ASB3: variants seen among roughly 807,000 people sequenced by gnomAD.
ASB3 encodes the protein ankyrin repeat and SOCS box protein 3.
Under a neutral mutation model 54.5 loss-of-function variants are expected in ASB3, and 41 were observed. The ratio of observed to expected loss-of-function variants is 0.75; its 90% CI spans 0.59 to 0.98. The LOEUF (loss-of-function observed/expected upper bound fraction) is 0.98, where lower values mean the gene tolerates loss of function less well. Ranked by LOEUF, ASB3 falls within the 50% of genes least tolerant of loss-of-function variation. The probability of loss-of-function intolerance (pLI) is 0.00; values close to 1 mark genes in which losing one functional copy is unlikely to be tolerated. For synonymous variants in ASB3, 266 were observed against 221.2 expected (o/e 1.20, Z -1.80); for missense variants, 733 against 620.0 (o/e 1.18, Z -1.94).
At chr2:53,713,637 G>A (rs1670226175) in intron 7 of ASB3, among the ~76,000 whole-genome samples, 1 of 152,172 alleles carries the variant, frequency 6.6e-6, no homozygotes, top group African/African-American at 2.4e-5. Flanking sequence ...ATAAAGCCAG[G>A]CATCGTGGCT....
chr2:53,767,827 C>A (rs1019011752), intron 1 of ASB3: 1 of 1,550,132 alleles, frequency 6.5e-7, no homozygotes, highest in East Asian at 2.4e-5. Context: ...AGGCTTCAGT[C>A]CCCGGCGGCG....
At chr2:53,755,803 C>G (rs759917613) in intron 2 of ASB3, among the ~76,000 whole-genome samples, 2 of 152,028 alleles carry the variant, frequency 1.3e-5, no homozygotes, top group African/African-American at 4.8e-5. Context: ...AGAAAATACC[C>G]GAAACACATA....
chr2:53,752,415 T>C (rs1490772466), intron 2 of ASB3, among the ~76,000 whole-genome samples: 1 of 152,162 alleles, frequency 6.6e-6, no homozygotes, highest in Non-Finnish European at 1.5e-5. Flanking sequence ...ACCCCACAGA[T>C]TGAATACCAG....
At chr2:53,754,502 G>C (rs1039976997) in intron 2 of ASB3, among the ~76,000 whole-genome samples, 14 of 152,180 alleles carry the variant, frequency 9.2e-5, no homozygotes, top group Non-Finnish European at 1.5e-4. Flanking sequence ...CTACTAACTT[G>C]AGATCTTGAA....
chr2:53,694,205 T>A, intron 8 of ASB3, 191 bp from the exon 9 acceptor site: 1 of 550,136 alleles, frequency 1.8e-6, no homozygotes, highest in Non-Finnish European at 3.0e-6. Context: ...AGGTTCCTAT[T>A]AACTGAATTG....
intron 1 of ASB3, among the ~76,000 whole-genome samples, chr2:53,771,717 AC>A (rs1309298638): frequency 6.6e-6 from 1 of 152,166 alleles, no homozygotes; most frequent in Non-Finnish European, 1.5e-5. Context: ...AAAGGCCAAC[AC>A]AGTCTCTAGA....
rs187071871 is a variant in ASB3, at chr2:53,716,840, C to T, written c.605-97G>A. The T allele has an allele frequency of 1.6e-3, 2,191 of 1,336,882 alleles. 6 individuals carry two copies. The highest frequency in any genetic ancestry group is 1.7e-3 in the Non-Finnish European group (1,749 of 1,007,958). 82.8% of individuals were successfully genotyped at this position (1,336,882 alleles called of 1,614,324 possible). ...ACTACCATAAAAGGGTTTCGTAGCACGGTAAGCTTTTCCCTCTTCACTGAA... is the reference window on the plus strand; with the variant it reads ...ACTACCATAAAAGGGTTTCGTAGCATGGTAAGCTTTTCCCTCTTCACTGAA... On this transcript the variant is annotated intron_variant, in intron 5 of 9. Coordinates refer to ENST00000263634, the MANE Select transcript of ASB3 (RefSeq NM_016115.5).
chr2:53,737,194 C>T (rs892263362), intron 3 of ASB3, among the ~76,000 whole-genome samples: 1 of 152,006 alleles, frequency 6.6e-6, no homozygotes, highest in East Asian at 1.9e-4. Flanking sequence ...CTGTGATTCC[C>T]GAGAGAAGTG....
intron 2 of ASB3, chr2:53,763,719 G>A (rs1478011077): frequency 1.2e-5 from 2 of 164,388 alleles, no homozygotes; most frequent in Non-Finnish European, 2.9e-5. Context: ...CCGATATGAA[G>A]AAGAGATGTA....
At chr2:53,760,906 G>A (rs1673106440) in intron 2 of ASB3, among the ~76,000 whole-genome samples, 1 of 152,242 alleles carries the variant, frequency 6.6e-6, no homozygotes, top group African/African-American at 2.4e-5. Flanking sequence ...TGCAGTCCAT[G>A]ACTAAGATCT....
At chr2:53,705,329 T>C (rs1669711169) in intron 7 of ASB3, among the ~76,000 whole-genome samples, 1 of 152,130 alleles carries the variant, frequency 6.6e-6, no homozygotes, top group Admixed American at 6.5e-5. Flanking sequence ...AAAAACAAAT[T>C]GTAATTATGC....
intron 3 of ASB3, among the ~76,000 whole-genome samples, chr2:53,747,592 G>A (rs1388231715): frequency 6.6e-6 from 1 of 152,202 alleles, no homozygotes; most frequent in African/African-American, 2.4e-5. Flanking sequence ...TGTTGTTTAA[G>A]AGAGGTCTTC....
rs57956105 is a variant in ASB3 at position 53,733,445 on chromosome 2, CTT to C, written c.356-3877_356-3876del. 7.8e-3 allele frequency among the ~76,000 whole-genome samples: 1,135 copies of C among 144,756 alleles called. 16 individuals are homozygous for C. The highest frequency in any genetic ancestry group is 0.027 in the African/African-American group (1,056 of 39,322). The allele number at this position is 144,756 out of a possible 152,430, so 95.0% of individuals were successfully genotyped here. Reference sequence around the variant, plus strand: ...CTCAATTCCATACCTTCTCCACTTCCTTTTTTTTTTTTTTAAGATGGATTCTC... The same window carrying C: ...CTCAATTCCATACCTTCTCCACTTCCTTTTTTTTTTTTAAGATGGATTCTC... On this transcript the variant is annotated intron_variant, in intron 3 of 9. Transcript: ENST00000263634.
chr2:53,711,571 T>C (rs1558531718), intron 7 of ASB3, among the ~76,000 whole-genome samples: 1 of 152,112 alleles, frequency 6.6e-6, no homozygotes, highest in Non-Finnish European at 1.5e-5. Context: ...GGTCAGAAGT[T>C]TGAGACCACC....
intron 3 of ASB3, among the ~76,000 whole-genome samples, chr2:53,743,029 T>G (rs1672018848): frequency 6.6e-6 from 1 of 152,192 alleles, no homozygotes; most frequent in Admixed American, 6.6e-5. Context: ...AGCTTCAGAC[T>G]TCAACTCTAG....
rs183882028 is a variant in ASB3 at position 53,705,612 on chromosome 2, C to G, written c.981-5084G>C. 2.0e-5 allele frequency among the ~76,000 whole-genome samples: 3 copies of G among 152,244 alleles called. No individual in the cohort carries two copies. In the South Asian group the frequency reaches 6.2e-4, roughly 32 times the overall value. ...GCCTCTTAAATCTGTAAATTTATATCTTTATCCAATAATAGGAAGTTTTTG... is the reference window on the plus strand; with the variant it reads ...GCCTCTTAAATCTGTAAATTTATATGTTTATCCAATAATAGGAAGTTTTTG... On this transcript the variant is annotated intron_variant, in intron 7 of 9. Coordinates refer to ENST00000263634, the MANE Select transcript of ASB3 (RefSeq NM_016115.5).
chr2:53,720,991 C>T lies in ASB3; in HGVS notation c.605-4248G>A, dbSNP rs146207071. Among the ~76,000 whole-genome samples the T allele has an allele frequency of 3.7e-3, 563 of 151,814 alleles. 8 individuals carry two copies. The highest frequency in any genetic ancestry group is 0.013 in the African/African-American group (535 of 41,394). ...AAAATTAGCTGGCCACAGGGGTGCG[C>T]GCCTGTAATCCCAGGTACTCAGGAG... is the stretch of plus-strand genomic sequence containing the variant. On this transcript the variant is annotated intron_variant, in intron 5 of 9. Transcript: ENST00000263634.
chr2:53,749,113 C>T (rs1572962317), intron 3 of ASB3, among the ~76,000 whole-genome samples: 2 of 151,988 alleles, frequency 1.3e-5, no homozygotes, highest in South Asian at 2.1e-4. Context: ...TGACTACTTC[C>T]ATAAGTCTGA....
At chr2:53,738,869 G>A (rs554820444) in intron 3 of ASB3, among the ~76,000 whole-genome samples, 8 of 152,230 alleles carry the variant, frequency 5.3e-5, no homozygotes, top group South Asian at 2.1e-4. Context: ...ATAAAAGACC[G>A]CATTTCAGAA....
Sources: allele counts gnomAD v4.1 joint callset (sites outside exome capture counted in the v4.1 genomes callset), GRCh38; gene constraint gnomAD v4.1.1; transcripts MANE v1.5; gene names NCBI Gene and HGNC (gene_info 2026-07-23, HGNC 2026-07-21).